The following XRN1 variants were observed in gnomAD, a reference collection of about 807,000 sequenced individuals.
XRN1 encodes the protein 5'-3' exoribonuclease 1.
Under a neutral mutation model 222.3 loss-of-function variants are expected in XRN1, and 67 were observed. That is an observed-to-expected ratio of 0.30 (90% CI 0.25 to 0.37). The LOEUF (loss-of-function observed/expected upper bound fraction) is 0.37, where lower values mean the gene tolerates loss of function less well. XRN1 is among the 10% of genes least tolerant of loss of function. The probability of loss-of-function intolerance (pLI) is 1.00; values close to 1 mark genes in which losing one functional copy is unlikely to be tolerated. For missense variants in XRN1, 1,707 were observed against 2,000.2 expected (o/e 0.85, Z 2.80); for synonymous variants, 643 against 652.4 (o/e 0.99, Z 0.22).
intron 39 of XRN1, among the ~76,000 whole-genome samples, chr3:142,314,403 A>G (rs1186227850): frequency 6.6e-6 from 1 of 152,194 alleles, no homozygotes; most frequent in East Asian, 1.9e-4. Flanking sequence ...TATGATCATA[A>G]GACAATTCTT....
Position 142,307,722 on chromosome 3 carries a change from TA to T in XRN1, c.*3788del, listed in dbSNP as rs1342384931. 1.3e-5 allele frequency: 2 copies of T among 152,180 alleles called. No individual in the cohort carries two copies. The highest frequency in any genetic ancestry group is 2.9e-5 in the Non-Finnish European group (2 of 68,028). 9.4% of individuals were successfully genotyped at this position (152,180 alleles called of 1,614,324 possible). On this transcript the variant is annotated 3_prime_UTR_variant, in exon 41 of 41. Coordinates refer to ENST00000392981, the MANE Select transcript of XRN1 (RefSeq NM_001282857.2). ...TGAATAAAGTCAGTCCGAACGACAT[TA>T]ATTTCTGGAATTTTAAGCTTTATCT...
chr3:142,421,265 A>T (rs1420245857), intron 9 of XRN1, 112 bp from the exon 10 acceptor site: 5 of 1,090,398 alleles, frequency 4.6e-6, no homozygotes, highest in Non-Finnish European at 6.3e-6. Context: ...GGAGAATGTT[A>T]CTCTTTTATA....
rs369070014 is a variant in XRN1 at position 142,313,179 on chromosome 3, A to C, written c.4622-421T>G. 5 of 1,610,688 alleles carry C rather than the reference A, an allele frequency of 3.1e-6. No homozygotes were observed. The African/African-American group carries it at 6.7e-5, about 22-fold the overall frequency. On this transcript the variant is annotated intron_variant, in intron 39 of 40. Transcript: ENST00000392981. Reference sequence around the variant, plus strand: ...TGCTTCCATAGTGATCCCAGCCTACAAAAAAACCAAAAAACCTCAAGTCCT... The same window carrying C: ...TGCTTCCATAGTGATCCCAGCCTACCAAAAAACCAAAAAACCTCAAGTCCT...
chr3:142,442,021 A>G (rs1294749030), intron 1 of XRN1, among the ~76,000 whole-genome samples: 1 of 152,224 alleles, frequency 6.6e-6, no homozygotes, highest in Non-Finnish European at 1.5e-5. Context: ...GTGATAATGG[A>G]ATACTTGAAA....
chr3:142,418,021 G>A (rs1215796973), intron 12 of XRN1: 2 of 153,114 alleles, frequency 1.3e-5, no homozygotes, highest in Admixed American at 6.5e-5. Context: ...AGGTTAATGA[G>A]AGCATACTGT....
intron 18 of XRN1, among the ~76,000 whole-genome samples, chr3:142,403,083 A>C (rs1190540501): frequency 6.6e-6 from 1 of 152,208 alleles, no homozygotes; most frequent in Non-Finnish European, 1.5e-5. Flanking sequence ...TCATGGGAAA[A>C]TAAGTCCAAA....
chr3:142,395,056 C>T (rs573688041), intron 20 of XRN1, among the ~76,000 whole-genome samples: 7 of 152,276 alleles, frequency 4.6e-5, no homozygotes, highest in Admixed American at 1.3e-4. Flanking sequence ...AGTCATAGAG[C>T]TAAGAATGCT....
chr3:142,403,526 T>C, intron 18 of XRN1, 148 bp downstream of exon 18: 1 of 652,972 alleles, frequency 1.5e-6, no homozygotes, highest in Non-Finnish European at 2.6e-6. Context: ...TATTATCTAA[T>C]TTGTATGAAT....
chr3:142,426,955 CG>C, intron 2 of XRN1, 114 bp from the exon 3 acceptor site: 1 of 709,228 alleles, frequency 1.4e-6, no homozygotes. Context: ...CCAGTTTTAA[CG>C]TTCAAAACAT....
At chr3:142,446,051 A>T (rs137905032) in intron 1 of XRN1, among the ~76,000 whole-genome samples, 2 of 152,294 alleles carry the variant, frequency 1.3e-5, no homozygotes, top group East Asian at 3.9e-4. Context: ...TTTGAGTTTC[A>T]TGGGGATAGC....
chr3:142,403,825 A>C (rs2068238689), intron 17 of XRN1, 44 bp downstream of exon 17: 1 of 1,611,338 alleles, frequency 6.2e-7, no homozygotes, highest in Non-Finnish European at 8.5e-7. Flanking sequence ...TAATCACTTC[A>C]CACTTAATAA....
chr3:142,408,587 T>C (rs2068441579), intron 15 of XRN1, among the ~76,000 whole-genome samples: 1 of 152,216 alleles, frequency 6.6e-6, no homozygotes, highest in African/African-American at 2.4e-5. Flanking sequence ...GCTTAATCTG[T>C]ACCACAATTT....
intron 33 of XRN1, among the ~76,000 whole-genome samples, chr3:142,340,378 A>G (rs950395653): frequency 1.3e-5 from 2 of 151,658 alleles, no homozygotes; most frequent in Admixed American, 6.6e-5. Context: ...ACACACAGAG[A>G]AGAGAAAAGA....
intron 37 of XRN1, among the ~76,000 whole-genome samples, chr3:142,325,183 C>T (rs190102374): frequency 2.0e-5 from 3 of 152,104 alleles, no homozygotes; most frequent in Admixed American, 6.6e-5. Context: ...ACGTTTCCAC[C>T]AACAATGTAT....
chr3:142,412,624 A>G lies in XRN1; in HGVS notation c.1633T>C (p.Tyr545His), dbSNP rs2068627797. 6.2e-7 allele frequency: 1 copy of G among 1,604,574 alleles called. No homozygotes were observed. The highest frequency in any genetic ancestry group is 8.5e-7 in the Non-Finnish European group (1 of 1,173,822). ...TNEDSPIIEY[Y>H]PPDFKTDLNG... ...AGGTCAGTTTTAAAATCAGGTGGGT[A>G]ATATTCTATAATTGGTGAGTCTTCA... Residue 545 changes from tyrosine (Y) to histidine (H), a missense_variant, in exon 15 of 41, where the codon TAC becomes CAC. This residue lies in a region of XRN1 where 1,234 missense variants were observed against 1,518.2 expected (regional missense o/e 0.81). Transcript: ENST00000392981.
intron 10 of XRN1, among the ~76,000 whole-genome samples, chr3:142,419,871 C>A (rs1054886905): frequency 1.2e-4 from 18 of 151,506 alleles, no homozygotes; most frequent in African/African-American, 4.4e-4. Flanking sequence ...GAATTTTTCA[C>A]AAGAGGTTTA....
chr3:142,336,978 C>T (rs2065867359), intron 33 of XRN1, among the ~76,000 whole-genome samples: 1 of 151,796 alleles, frequency 6.6e-6, no homozygotes, highest in South Asian at 2.1e-4. Flanking sequence ...ATAGCACTTA[C>T]CAAACTGAAC....
intron 20 of XRN1, among the ~76,000 whole-genome samples, chr3:142,390,945 G>C (rs1309925036): frequency 6.6e-6 from 1 of 151,942 alleles, no homozygotes; most frequent in African/African-American, 2.4e-5. Context: ...AGAGACTAGG[G>C]GACCGTTGGT....
chr3:142,319,632 G>A (rs1375190151), intron 37 of XRN1, among the ~76,000 whole-genome samples: 1 of 151,960 alleles, frequency 6.6e-6, no homozygotes, highest in African/African-American at 2.4e-5. Flanking sequence ...AGTATACATT[G>A]TACCCAGTAG....
Sources: allele counts gnomAD v4.1 joint callset (sites outside exome capture counted in the v4.1 genomes callset), GRCh38; gene constraint gnomAD v4.1.1; regional missense constraint gnomAD v4.1.1; transcripts MANE v1.5; gene names NCBI Gene and HGNC (gene_info 2026-07-23, HGNC 2026-07-21).